Variants in SPATS1 observed in about 807,000 individuals in gnomAD.
SPATS1 encodes the protein spermatogenesis associated serine rich 1.
A neutral mutation model predicts 33.6 loss-of-function variants in SPATS1; 23 were observed. The ratio of observed to expected loss-of-function variants is 0.68; its 90% CI spans 0.49 to 0.97. The LOEUF (loss-of-function observed/expected upper bound fraction) is 0.97, where lower values mean the gene tolerates loss of function less well. SPATS1 is among the 50% of genes least tolerant of loss of function. SPATS1 has a pLI of 0.00. For missense variants in SPATS1, 327 were observed against 361.0 expected (o/e 0.91, Z 0.76); for synonymous variants, 131 against 125.6 (o/e 1.04, Z -0.29).
Position 44,342,732 on chromosome 6 carries a change from C to T in SPATS1, c.-37C>T. 2 of 466,622 alleles carry T rather than the reference C, an allele frequency of 4.3e-6. No individual in the cohort carries two copies. The highest frequency in any genetic ancestry group is 4.3e-6 in the Non-Finnish European group (1 of 234,362). 28.9% of individuals were successfully genotyped at this position (466,622 alleles called of 1,614,324 possible). On this transcript the variant is annotated 5_prime_UTR_variant, in exon 1 of 9. Coordinates refer to ENST00000674044, the MANE Select transcript of SPATS1 (RefSeq NM_001372081.1). ...TCGGTTCTCAGGCCTCGGCGTGCGG[C>T]GTGCGTTCGGCAGTTCAGTTGCCAG...
At chr6:44,354,440 G>T (rs1788443629) in intron 3 of SPATS1, among the ~76,000 whole-genome samples, 2 of 151,732 alleles carry the variant, frequency 1.3e-5, no homozygotes, top group Admixed American at 6.6e-5. Context: ...ATATGTGCAA[G>T]TAAACATATT....
At chr6:44,370,814 T>C (rs1454863229) in intron 7 of SPATS1, among the ~76,000 whole-genome samples, 4 of 152,182 alleles carry the variant, frequency 2.6e-5, no homozygotes, top group African/African-American at 9.7e-5. Flanking sequence ...GTCTGTACTT[T>C]ACATTTTTAA....
chr6:44,348,599 C>G (rs1318217699), intron 2 of SPATS1, among the ~76,000 whole-genome samples: 1 of 152,160 alleles, frequency 6.6e-6, no homozygotes, highest in Non-Finnish European at 1.5e-5. Context: ...GTGGGCCCAG[C>G]AGCAGGTAGG....
chr6:44,347,506 C>A (rs947335779), intron 2 of SPATS1, among the ~76,000 whole-genome samples: 1 of 152,058 alleles, frequency 6.6e-6, no homozygotes, highest in Admixed American at 6.5e-5. Flanking sequence ...CAAATCTATG[C>A]CTCTTTTCCT....
At chr6:44,352,296 A>G (rs1001764023) in intron 2 of SPATS1, among the ~76,000 whole-genome samples, 7 of 151,796 alleles carry the variant, frequency 4.6e-5, no homozygotes, top group Admixed American at 3.3e-4. Flanking sequence ...ATGACCAGCT[A>G]GTTTTTGTTT....
At position 44,346,280 on chromosome 6, in the gene SPATS1, C is replaced by CA. The variant is rs3997539; in HGVS notation, c.139+3057dup. On this transcript the variant is annotated intron_variant, in intron 2 of 8. Transcript: ENST00000674044. Reference sequence around the variant, plus strand: ...TGGGTGACAGAACAAGACCCTGTCTCAAAAAAAAAAACAAACCCACAAAAT... The same window carrying CA: ...TGGGTGACAGAACAAGACCCTGTCTCAAAAAAAAAAAACAAACCCACAAAAT... Among the ~76,000 whole-genome samples, 1,277 of 144,660 alleles carry CA rather than the reference C, an allele frequency of 8.8e-3. 9 individuals are homozygous for CA. Among genetic ancestry groups the CA allele is most frequent in the South Asian group, 0.016 (71 of 4,544 alleles). The allele number at this position is 144,660 out of a possible 152,430, so 94.9% of individuals were successfully genotyped here.
At chr6:44,360,799 A>G (rs1181680068) in intron 4 of SPATS1, among the ~76,000 whole-genome samples, 2 of 152,226 alleles carry the variant, frequency 1.3e-5, no homozygotes, top group Non-Finnish European at 2.9e-5. Context: ...ATAATATAGA[A>G]GTATATAGAG....
intron 2 of SPATS1, among the ~76,000 whole-genome samples, chr6:44,348,649 A>G (rs1321078487): frequency 6.6e-6 from 1 of 152,136 alleles, no homozygotes; most frequent in South Asian, 2.1e-4. Flanking sequence ...GCACTGAAGC[A>G]TGTAGAACGT....
chr6:44,353,360 G>A (rs1788357629), intron 3 of SPATS1, among the ~76,000 whole-genome samples: 1 of 152,150 alleles, frequency 6.6e-6, no homozygotes, highest in Non-Finnish European at 1.5e-5. Context: ...TGGGGAGTGG[G>A]GAAGGGAAGG....
At chr6:44,345,809 G>A (rs1787842409) in intron 2 of SPATS1, among the ~76,000 whole-genome samples, 1 of 152,020 alleles carries the variant, frequency 6.6e-6, no homozygotes, top group African/African-American at 2.4e-5. Flanking sequence ...TAGAACTATT[G>A]AGTCAAATGA....
Position 44,379,421 on chromosome 6 carries a change from T to C in SPATS1, c.*2358T>C, listed in dbSNP as rs1583100138. On this transcript the variant is annotated 3_prime_UTR_variant, in exon 9 of 9. Transcript: ENST00000674044. Reference sequence around the variant, plus strand: ...CTGGCTAACATGGAGAAACCCTGTCTCTATTAAAAACACAAAAAAATTAGC... The same window carrying C: ...CTGGCTAACATGGAGAAACCCTGTCCCTATTAAAAACACAAAAAAATTAGC... 6.6e-6 allele frequency among the ~76,000 whole-genome samples: 1 copy of C among 151,130 alleles called. No individual in the cohort carries two copies. The highest frequency in any genetic ancestry group is 1.5e-5 in the Non-Finnish European group (1 of 67,760).
In SPATS1 at chr6:44,368,369, T is replaced by G. The variant is rs1561959711; in HGVS notation, c.575-10T>G. 2 of 1,611,714 alleles carry G rather than the reference T, an allele frequency of 1.2e-6. No homozygotes were observed. The highest frequency in any genetic ancestry group is 1.7e-6 in the Non-Finnish European group (2 of 1,179,002). ...CCTTGTATGATTTTGTTTTCAAACC[T>G]TCTCCACAGATATTGATCCCAGGAA... is the stretch of plus-strand genomic sequence containing the variant. On this transcript the variant is annotated splice_polypyrimidine_tract_variant and intron_variant, in intron 5 of 8. Transcript: ENST00000674044.
At chr6:44,369,265 G>C (rs890912447) in intron 6 of SPATS1, among the ~76,000 whole-genome samples, 1 of 151,140 alleles carries the variant, frequency 6.6e-6, no homozygotes, top group African/African-American at 2.4e-5. Context: ...TCTGTGGGCC[G>C]GGCGCGGTGG....
At position 44,361,932 on chromosome 6, in the gene SPATS1, G is replaced by A. The variant is rs755095191; in HGVS notation, c.514G>A (p.Gly172Ser). Reference protein sequence around the residue: ...KQCFFNGVFLGNKRSLSERTV... With the variant: ...KQCFFNGVFLSNKRSLSERTV... The stretch of plus-strand genomic sequence containing the variant: ...GTGCTTCTTTAATGGAGTCTTCCTC[G>A]GCAACAAGAGGTCTCTATCAGAGAG... The change falls in exon 5 of 9, where the codon GGC (glycine) becomes AGC (serine). Residue 172 changes from glycine to serine, a missense_variant. Transcript: ENST00000674044. 2.0e-5 allele frequency: 33 copies of A among 1,614,168 alleles called. No homozygotes were observed. The East Asian group carries it at 6.0e-4, about 29-fold the overall frequency.
rs576044141 is a variant in SPATS1 at position 44,377,384 on chromosome 6, C to T, written c.*321C>T. 1.5e-4 allele frequency: 61 copies of T among 408,604 alleles called. No homozygotes were observed. The highest frequency in any genetic ancestry group is 1.2e-3 in the African/African-American group (57 of 49,292). The allele number at this position is 408,604 out of a possible 1,614,324, so 25.3% of individuals were successfully genotyped here. Reference sequence around the variant, plus strand: ...GAGTGGCAGATATTGTAACCCTTTACACCTGTATACCTACATACCTCAGCA... The same window carrying T: ...GAGTGGCAGATATTGTAACCCTTTATACCTGTATACCTACATACCTCAGCA... On this transcript the variant is annotated 3_prime_UTR_variant, in exon 9 of 9. Transcript: ENST00000674044.
chr6:44,361,356 G>T, intron 4 of SPATS1: 1 of 985,344 alleles, frequency 1.0e-6, no homozygotes. Context: ...TCCATTTCCC[G>T]GTGTCACCGT....
At chr6:44,373,059 CAT>C (rs1789721259) in intron 7 of SPATS1, among the ~76,000 whole-genome samples, 1 of 152,194 alleles carries the variant, frequency 6.6e-6, no homozygotes, top group South Asian at 2.1e-4. Flanking sequence ...CTACCCTACA[CAT>C]GTGTGTCTTA....
At chr6:44,370,969 A>G (rs1583094824) in intron 7 of SPATS1, among the ~76,000 whole-genome samples, 2 of 149,384 alleles carry the variant, frequency 1.3e-5, no homozygotes, top group East Asian at 4.2e-4. Flanking sequence ...TGGTTTTCCT[A>G]AAAAGAAAGG....
At position 44,361,813 on chromosome 6, in the gene SPATS1, C is replaced by G. The variant is rs1788939460; in HGVS notation, c.413-18C>G. On this transcript the variant is annotated intron_variant, in intron 4 of 8. Transcript: ENST00000674044. Reference sequence around the variant, plus strand: ...GGCTGGGAACAGTGCTAATGGAAGGCTTTCTGGTGTATTGCAGAAGATGGG... The same window carrying G: ...GGCTGGGAACAGTGCTAATGGAAGGGTTTCTGGTGTATTGCAGAAGATGGG... The G allele has an allele frequency of 6.2e-7, 1 of 1,614,216 alleles. No homozygotes were observed. The highest frequency in any genetic ancestry group is 8.5e-7 in the Non-Finnish European group (1 of 1,180,036).
Sources: allele counts gnomAD v4.1 joint callset (sites outside exome capture counted in the v4.1 genomes callset), GRCh38; gene constraint gnomAD v4.1.1; transcripts MANE v1.5; gene names NCBI Gene and HGNC (gene_info 2026-07-23, HGNC 2026-07-21).